Variants in MAP2K3 observed in about 807,000 individuals in gnomAD.
The protein encoded by MAP2K3 is dual specificity mitogen-activated protein kinase kinase 3.
In MAP2K3, 30 loss-of-function variants were observed where a neutral mutation model predicts 46.4. The ratio of observed to expected loss-of-function variants is 0.65; its 90% CI spans 0.48 to 0.88. The LOEUF is 0.88. MAP2K3 is among the 40% of genes least tolerant of loss of function. MAP2K3 has a pLI of 0.00. For missense variants in MAP2K3, 380 were observed against 464.5 expected (o/e 0.82, Z 1.67); for synonymous variants, 189 against 176.3 (o/e 1.07, Z -0.57).
At chr17:21,295,850 C>T (rs75120481) in intron 1 of MAP2K3, 160,466 of 1,181,232 alleles carry the variant, frequency 0.14, no homozygotes, top group Middle Eastern at 0.17. Flanking sequence ...GGGTGGCAGG[C>T]TGGGGCCAGA....
chr17:21,291,770 C>T (rs1975953239), intron 1 of MAP2K3: 1 of 367,014 alleles, frequency 2.7e-6, no homozygotes, highest in Non-Finnish European at 5.4e-6. Context: ...TGTCATCAAC[C>T]CCATCTTAGG....
chr17:21,290,321 C>A (rs1410428231), intron 1 of MAP2K3, among the ~76,000 whole-genome samples: 1 of 152,204 alleles, frequency 6.6e-6, no homozygotes, highest in Non-Finnish European at 1.5e-5. Context: ...GGGATGGAGA[C>A]AGCTCCCATC....
intron 3 of MAP2K3, among the ~76,000 whole-genome samples, chr17:21,299,354 G>A (rs1310550784): frequency 6.6e-6 from 1 of 152,310 alleles, no homozygotes; most frequent in Non-Finnish European, 1.5e-5. Context: ...TCCTGGCTCA[G>A]GGACCGTGCT....
chr17:21,303,019 C>A (rs1176823629), intron 6 of MAP2K3, among the ~76,000 whole-genome samples, 164 bp from the exon 7 acceptor site: 1 of 152,310 alleles, frequency 6.6e-6, no homozygotes, highest in Non-Finnish European at 1.5e-5. Context: ...GATGCTGGGG[C>A]AAATGCCAGG....
At chr17:21,289,384 G>A (rs1302701622) in intron 1 of MAP2K3, among the ~76,000 whole-genome samples, 1 of 151,482 alleles carries the variant, frequency 6.6e-6, no homozygotes, top group African/African-American at 2.4e-5. Flanking sequence ...GCCAGCCCGG[G>A]AAGCAAGAGG....
intron 9 of MAP2K3, among the ~76,000 whole-genome samples, chr17:21,307,981 C>T (rs1395459506): frequency 3.3e-5 from 5 of 151,896 alleles, no homozygotes; most frequent in African/African-American, 1.2e-4. Flanking sequence ...TCAGCCTCCC[C>T]AGTAGCTGGG....
At position 21,314,453 on chromosome 17, in the gene MAP2K3, CCT is replaced by C; in HGVS notation, c.*227_*228del. The C allele has an allele frequency of 1.8e-6, 1 of 568,684 alleles. No homozygotes were observed. The highest frequency in any genetic ancestry group is 2.0e-5 in the South Asian group (1 of 50,074). The allele number at this position is 568,684 out of a possible 1,614,324, so 35.2% of individuals were successfully genotyped here. A position where few individuals can be genotyped will look rare whatever the true frequency, so the allele number is the denominator to read the frequency against. The stretch of plus-strand genomic sequence containing the variant: ...CAGGCCCTTGTCGGCCCCACCAGTG[CCT>C]CTCCCTGCTGCTCCTAGGACCCGTC... On this transcript the variant is annotated 3_prime_UTR_variant, in exon 12 of 12. Transcript: ENST00000342679.
rs1976395077 is a variant in MAP2K3 at position 21,298,487 on chromosome 17, T to G, written c.116+8T>G. On this transcript the variant is annotated splice_region_variant and intron_variant, in intron 2 of 11. Transcript: ENST00000342679. ...ACCCGCACCCAACCCCACGTGAGTCTGCCTCAGTTTCTCCCTGGCTCACCC... is the reference window on the plus strand; with the variant it reads ...ACCCGCACCCAACCCCACGTGAGTCGGCCTCAGTTTCTCCCTGGCTCACCC... 2 of 1,614,200 alleles carry G rather than the reference T, an allele frequency of 1.2e-6. No individual in the cohort carries two copies. The highest frequency in any genetic ancestry group is 2.7e-5 in the African/African-American group (2 of 74,968).
intron 1 of MAP2K3, among the ~76,000 whole-genome samples, chr17:21,293,380 G>A (rs866227831): frequency 7.1e-3 from 1,070 of 151,406 alleles, no homozygotes; most frequent in African/African-American, 0.024. Context: ...CAAAGCACAA[G>A]TGGTTCCATG....
Position 21,296,247 on chromosome 17 carries a change from G to A in MAP2K3, c.50-2166G>A, listed in dbSNP as rs965076358. ...TTCTGCCTCGAGCTGTTTTGTACAT[G>A]AGGAACCCAAGGTGCAGAGGAGGGC... On this transcript the variant is annotated intron_variant, in intron 1 of 11. Transcript: ENST00000342679. 7.2e-6 allele frequency: 9 copies of A among 1,249,016 alleles called. No homozygotes were observed. In the Admixed American group the frequency reaches 1.1e-4, roughly 16 times the overall value. The allele number at this position is 1,249,016 out of a possible 1,614,324, so 77.4% of individuals were successfully genotyped here. A position where few individuals can be genotyped will look rare whatever the true frequency, so the allele number is the denominator to read the frequency against.
At chr17:21,298,583 G>C (rs937397243) in intron 2 of MAP2K3, 104 bp downstream of exon 2, 2 of 1,571,824 alleles carry the variant, frequency 1.3e-6, no homozygotes, top group South Asian at 1.1e-5. Context: ...GCTTTACCTC[G>C]TCCTGTCCTG....
intron 4 of MAP2K3, 47 bp from the exon 5 acceptor site, chr17:21,300,827 G>A (rs1944242798): frequency 1.9e-6 from 3 of 1,613,386 alleles, no homozygotes; most frequent in East Asian, 2.2e-5. Context: ...GAGTGTGGGT[G>A]TTGGCCTCTG....
chr17:21,291,616 G>T (rs1158381259), intron 1 of MAP2K3: 4 of 456,194 alleles, frequency 8.8e-6, no homozygotes, highest in South Asian at 4.6e-5. Context: ...CCCTGTCATG[G>T]CCTCTTAAAG....
chr17:21,296,991 G>C (rs543871715), intron 1 of MAP2K3, among the ~76,000 whole-genome samples: 2 of 152,308 alleles, frequency 1.3e-5, no homozygotes, highest in Admixed American at 6.5e-5. Flanking sequence ...CCCCGGGGTG[G>C]CTTTGGTGGA....
chr17:21,305,006 G>T (rs747089334), intron 8 of MAP2K3, 45 bp from the exon 9 acceptor site: 1 of 1,613,032 alleles, frequency 6.2e-7, no homozygotes, highest in Admixed American at 1.7e-5. Flanking sequence ...AGCCATGGGG[G>T]CTTACCTGGG....
intron 1 of MAP2K3, among the ~76,000 whole-genome samples, chr17:21,296,755 C>A (rs1205061035): frequency 6.6e-6 from 1 of 152,310 alleles, no homozygotes; most frequent in African/African-American, 2.4e-5. Context: ...GTGACAGACT[C>A]GCAGTGAGAC....
chr17:21,299,045 G>GAGCCT, intron 3 of MAP2K3, 119 bp downstream of exon 3: 5 of 1,461,144 alleles, frequency 3.4e-6, no homozygotes, highest in Non-Finnish European at 4.8e-6. Flanking sequence ...GTCAGGCTCT[G>GAGCCT]GAGAAGAGCC....
chr17:21,301,286 C>A (rs1177957136), intron 5 of MAP2K3, among the ~76,000 whole-genome samples: 1 of 152,304 alleles, frequency 6.6e-6, no homozygotes, highest in Non-Finnish European at 1.5e-5. Context: ...CCATTCGCAT[C>A]CCCATGGCAT....
In MAP2K3 at chr17:21,302,093, C is replaced by A. The variant is rs778905812; in HGVS notation, c.400-50C>A. On this transcript the variant is annotated intron_variant, in intron 5 of 11. Coordinates refer to ENST00000342679, the MANE Select transcript of MAP2K3 (RefSeq NM_145109.3). ...GCTGGGGCAGGCAGTGCAGGTGGTG[C>A]AGACACGGGCAGCCCGGCAGCCTGG... 3.2e-6 allele frequency: 5 copies of A among 1,581,090 alleles called. No individual in the cohort carries two copies. The Admixed American group carries it at 5.0e-5, about 16-fold the overall frequency.
Sources: gnomAD v4.1 joint callset for allele counts (sites outside exome capture counted in the v4.1 genomes callset) on GRCh38, gnomAD v4.1.1 for gene constraint, MANE v1.5 for transcripts, NCBI Gene and HGNC (gene_info 2026-07-23, HGNC 2026-07-21) for gene names.